The following MTNR1A variants were observed in gnomAD, a reference collection of about 807,000 sequenced individuals.
MTNR1A encodes melatonin receptor 1A, also known as melatonin receptor type 1A.
In MTNR1A, 7 loss-of-function variants were observed where a neutral mutation model predicts 5.5. That is an observed-to-expected ratio of 1.28 (90% CI 0.73 to 2.40). The LOEUF (loss-of-function observed/expected upper bound fraction) is 2.40, where lower values mean the gene tolerates loss of function less well. Among genes scored for constraint, MTNR1A ranks in the 30% most tolerant of loss-of-function variants. The probability of loss-of-function intolerance (pLI) is 0.00; values close to 1 mark genes in which losing one functional copy is unlikely to be tolerated. For missense variants in MTNR1A, 441 were observed against 464.4 expected (o/e 0.95, Z 0.46); for synonymous variants, 196 against 202.7 (o/e 0.97, Z 0.28).
At chr4:186,542,732 G>T (rs1401348059) in intron 1 of MTNR1A, among the ~76,000 whole-genome samples, 12 of 152,134 alleles carry the variant, frequency 7.9e-5, no homozygotes, top group African/African-American at 2.7e-4. Flanking sequence ...CTTCCTTTCT[G>T]TGAAACTTTA....
At chr4:186,544,075 C>T (rs1187755579) in intron 1 of MTNR1A, among the ~76,000 whole-genome samples, 1 of 152,136 alleles carries the variant, frequency 6.6e-6, no homozygotes, top group Non-Finnish European at 1.5e-5. Flanking sequence ...GTGGTGTTAT[C>T]TTGGCTCCCT....
chr4:186,549,599 G>A (rs1433785809), intron 1 of MTNR1A, among the ~76,000 whole-genome samples: 4 of 152,036 alleles, frequency 2.6e-5, no homozygotes, highest in South Asian at 2.1e-4. Context: ...GCCAACTTTC[G>A]CATTTCTCTT....
At chr4:186,540,261 C>T (rs1471906815) in intron 1 of MTNR1A, among the ~76,000 whole-genome samples, 1 of 152,228 alleles carries the variant, frequency 6.6e-6, no homozygotes, top group Admixed American at 6.5e-5. Context: ...AGCCAAACCG[C>T]ATCAATGCTC....
At chr4:186,542,970 G>A (rs951985181) in intron 1 of MTNR1A, among the ~76,000 whole-genome samples, 4 of 152,130 alleles carry the variant, frequency 2.6e-5, no homozygotes, top group Admixed American at 6.5e-5. Context: ...GTGCATGTCT[G>A]TATTCCCAGT....
intron 1 of MTNR1A, among the ~76,000 whole-genome samples, chr4:186,545,591 T>C (rs1417676646): frequency 6.6e-6 from 1 of 152,132 alleles, no homozygotes; most frequent in Admixed American, 6.6e-5. Flanking sequence ...TCATATCCAC[T>C]AAGATGTTGG....
chr4:186,549,583 C>T (rs1039118393), intron 1 of MTNR1A, among the ~76,000 whole-genome samples: 1 of 152,232 alleles, frequency 6.6e-6, no homozygotes, highest in African/African-American at 2.4e-5. Flanking sequence ...CAGCTACCAT[C>T]TACCAGCCAA....
intron 1 of MTNR1A, among the ~76,000 whole-genome samples, chr4:186,534,981 A>T (rs1434920228): frequency 6.6e-6 from 1 of 152,178 alleles, no homozygotes; most frequent in Non-Finnish European, 1.5e-5. Context: ...AGCAGCTCTC[A>T]GGGGGCCTCT....
intron 1 of MTNR1A, 39 bp from the exon 2 acceptor site, chr4:186,534,596 T>C: frequency 6.3e-7 from 1 of 1,599,842 alleles, no homozygotes; most frequent in Non-Finnish European, 8.5e-7. Context: ...TGAATACCAG[T>C]TCACAGTGGG....
chr4:186,553,701 C>G (rs1020815746), intron 1 of MTNR1A, among the ~76,000 whole-genome samples: 1 of 152,086 alleles, frequency 6.6e-6, no homozygotes, highest in Non-Finnish European at 1.5e-5. Context: ...TTAGTAGAGA[C>G]GGGGTTTCAC....
At chr4:186,534,688 G>T in intron 1 of MTNR1A, 131 bp from the exon 2 acceptor site, 1 of 1,065,036 alleles carries the variant, frequency 9.4e-7, no homozygotes, top group Non-Finnish European at 1.3e-6. Context: ...CACTGCAAAT[G>T]AAGTGGAGGC....
chr4:186,537,153 T>C (rs1206240878), intron 1 of MTNR1A, among the ~76,000 whole-genome samples: 1 of 152,208 alleles, frequency 6.6e-6, no homozygotes, highest in Non-Finnish European at 1.5e-5. Flanking sequence ...ATTAATCCCA[T>C]TTTACAAATC....
intron 1 of MTNR1A, among the ~76,000 whole-genome samples, chr4:186,552,365 T>A (rs1737281762): frequency 6.6e-6 from 1 of 152,258 alleles, no homozygotes. Flanking sequence ...TCATTTTTGC[T>A]AATTTCCATT....
chr4:186,549,545 A>T lies in MTNR1A; in HGVS notation c.184+5637T>A, dbSNP rs113193526. 8.6e-4 allele frequency among the ~76,000 whole-genome samples: 131 copies of T among 152,300 alleles called. 1 individual carries two copies. In the Middle Eastern group the frequency reaches 0.01, roughly 12 times the overall value. ...TCTCTCCTCGTAAGATAACAACTTTAAAAAATTCTCATGATTGCTTTAAGC... is the reference window on the plus strand; with the variant it reads ...TCTCTCCTCGTAAGATAACAACTTTTAAAAATTCTCATGATTGCTTTAAGC... On this transcript the variant is annotated intron_variant, in intron 1 of 1. Coordinates refer to ENST00000307161, the MANE Select transcript of MTNR1A (RefSeq NM_005958.4).
rs77478816 is a variant in MTNR1A at position 186,552,830 on chromosome 4, T to C, written c.184+2352A>G. 5.1e-4 allele frequency among the ~76,000 whole-genome samples: 77 copies of C among 152,326 alleles called. 1 individual carries two copies. The East Asian group carries it at 9.5e-3, about 19-fold the overall frequency. On this transcript the variant is annotated intron_variant, in intron 1 of 1. Transcript: ENST00000307161. ...TATGCTATCAAATTTACTCAGAAGA[T>C]ATGATATGGTAGCTTCACTTCTATT...
intron 1 of MTNR1A, among the ~76,000 whole-genome samples, chr4:186,554,402 G>A (rs902139028): frequency 2.6e-5 from 4 of 152,082 alleles, no homozygotes; most frequent in African/African-American, 9.7e-5. Context: ...TAAAAAACTA[G>A]TTTCTTCAGA....
intron 1 of MTNR1A, among the ~76,000 whole-genome samples, chr4:186,535,539 G>C (rs191467551): frequency 2.6e-5 from 4 of 152,168 alleles, no homozygotes; most frequent in Non-Finnish European, 5.9e-5. Flanking sequence ...AGCCTCCCAA[G>C]CAGCAGGGAC....
At chr4:186,534,635 C>T in intron 1 of MTNR1A, 78 bp from the exon 2 acceptor site, 1 of 1,546,650 alleles carries the variant, frequency 6.5e-7, no homozygotes, top group Non-Finnish European at 8.8e-7. Flanking sequence ...AAAGAAGGAG[C>T]TGCTTCTGCA....
At chr4:186,539,750 T>C (rs1736964948) in intron 1 of MTNR1A, among the ~76,000 whole-genome samples, 1 of 152,214 alleles carries the variant, frequency 6.6e-6, no homozygotes, top group African/African-American at 2.4e-5. Context: ...CCTCCAGAAC[T>C]GTGAGAAACA....
At chr4:186,553,024 G>A (rs1256791901) in intron 1 of MTNR1A, among the ~76,000 whole-genome samples, 1 of 152,196 alleles carries the variant, frequency 6.6e-6, no homozygotes, top group Admixed American at 6.5e-5. Flanking sequence ...CCCTTGAGGA[G>A]AGGAAGGTGG....
Sources: gnomAD v4.1 joint callset for allele counts (sites outside exome capture counted in the v4.1 genomes callset) on GRCh38, gnomAD v4.1.1 for gene constraint, MANE v1.5 for transcripts, NCBI Gene and HGNC (gene_info 2026-07-23, HGNC 2026-07-21) for gene names.